The following CFAP46 variants were observed in gnomAD, a reference collection of about 807,000 sequenced individuals.
The protein encoded by CFAP46 is cilia- and flagella-associated protein 46.
In CFAP46, 245 loss-of-function variants were observed where a neutral mutation model predicts 325.7. The ratio of observed to expected loss-of-function variants is 0.75; its 90% confidence interval spans 0.68 to 0.84. The LOEUF is 0.84. Among genes scored for constraint, CFAP46 ranks in the 40% least tolerant of loss-of-function variants. The pLI is 0.00. For missense variants in CFAP46, 3,346 were observed against 3,543.0 expected (o/e 0.94, Z 1.41); for synonymous variants, 1,523 against 1,495.9 (o/e 1.02, Z -0.42).
chr10:132,931,091 C>T (rs1849892715), intron 8 of CFAP46, among the ~76,000 whole-genome samples: 1 of 75,560 alleles, frequency 1.3e-5, no homozygotes, highest in Non-Finnish European at 2.6e-5. Flanking sequence ...GAGCCTGGGC[C>T]TCCCCACACT....
intron 28 of CFAP46, among the ~76,000 whole-genome samples, chr10:132,880,142 G>A (rs1275852320): frequency 6.6e-6 from 1 of 152,026 alleles, no homozygotes; most frequent in African/African-American, 2.4e-5. Flanking sequence ...GTGTGGAGTG[G>A]CCACCCTAGC....
chr10:132,902,334 G>A (rs59007599), intron 22 of CFAP46, among the ~76,000 whole-genome samples: 1,371 of 113,792 alleles, frequency 0.012, 14 homozygotes, highest in African/African-American at 0.066. Flanking sequence ...TAGTTTCTCC[G>A]TTTTTCTCCC....
chr10:132,877,763 G>A lies in CFAP46; in HGVS notation c.4212+118C>T, dbSNP rs1848976768. The A allele has an allele frequency of 7.5e-6, 8 of 1,060,448 alleles. No individual in the cohort carries two copies. The highest frequency in any genetic ancestry group is 5.0e-5 in the Admixed American group (2 of 39,718). 65.7% of individuals were successfully genotyped at this position (1,060,448 alleles called of 1,614,324 possible). A position where few individuals can be genotyped will look rare whatever the true frequency, so the allele number is the denominator to read the frequency against. Reference sequence around the variant, plus strand: ...GGGAAACTGAGGCACAGGCCATCCCGGGCCCGGCCTCTGCACTGAGGCCGC... The same window carrying A: ...GGGAAACTGAGGCACAGGCCATCCCAGGCCCGGCCTCTGCACTGAGGCCGC... On this transcript the variant is annotated intron_variant, in intron 30 of 57. Transcript: ENST00000368586. This position sits in a 1 kb window ranked among gnomAD's most constrained non-coding sequence, Gnocchi z 5.7.
rs1055527374 is a variant in CFAP46, at chr10:132,889,733, G to A, written c.3304+2600C>T. On this transcript the variant is annotated intron_variant, in intron 25 of 57. Transcript: ENST00000368586. The surrounding 1 kb of genome is among the most constrained non-coding windows in gnomAD (Gnocchi z 6.0). ...TCCTGTGGACCGTCTCCTCCTCCCC[G>A]GAGGCCGTCAGCTCCATGGTGCCTC... Among the ~76,000 whole-genome samples the A allele has an allele frequency of 2.6e-5, 4 of 152,140 alleles. No homozygotes were observed. The highest frequency in any genetic ancestry group is 7.2e-5 in the African/African-American group (3 of 41,414).
intron 25 of CFAP46, among the ~76,000 whole-genome samples, chr10:132,888,851 T>C (rs1437977606): frequency 1.0e-5 from 1 of 95,920 alleles, no homozygotes; most frequent in Admixed American, 1.1e-4. Context: ...CCCTGCCGCC[T>C]GCACCTGCCA....
At chr10:132,918,881 C>A (rs1380060366) in intron 15 of CFAP46, among the ~76,000 whole-genome samples, 2 of 152,252 alleles carry the variant, frequency 1.3e-5, no homozygotes, top group Non-Finnish European at 2.9e-5. Context: ...CGTTCTGTCA[C>A]CTCCCTCGTC....
intron 9 of CFAP46, among the ~76,000 whole-genome samples, chr10:132,927,871 G>T (rs1011570165): frequency 5.3e-5 from 8 of 152,368 alleles, no homozygotes; most frequent in African/African-American, 1.9e-4. Flanking sequence ...CTAACAGTAG[G>T]CTGGCGGGGA....
chr10:132,858,929 G>C (rs1021924327), intron 38 of CFAP46, 142 bp downstream of exon 38: 5 of 828,502 alleles, frequency 6.0e-6, no homozygotes, highest in Non-Finnish European at 9.2e-6. Flanking sequence ...GGCGGCAGCC[G>C]AGAGCTTCCC....
At chr10:132,831,516 C>A (rs1477796632) in intron 50 of CFAP46, among the ~76,000 whole-genome samples, 1 of 152,154 alleles carries the variant, frequency 6.6e-6, no homozygotes, top group East Asian at 1.9e-4. Flanking sequence ...TGGTCACATT[C>A]CCAGGATGAA....
Position 132,846,167 on chromosome 10 carries a change from T to C in CFAP46, c.6328A>G (p.Ser2110Gly), listed in dbSNP as rs775687257. 1.6e-5 allele frequency: 26 copies of C among 1,611,954 alleles called. No homozygotes were observed. The South Asian group carries it at 2.4e-4, about 15-fold the overall frequency. The change falls in exon 44 of 58, where the codon AGC becomes GGC. Residue 2110 changes from serine (S) to glycine (G), a missense_variant. Physicochemically the swap from Ser to Gly is moderately conservative, Grantham distance 56. Coordinates refer to ENST00000368586, the MANE Select transcript of CFAP46 (RefSeq NM_001200049.3). ...VLLAATANTSSSQLAALLQLQ... is the reference protein window; with the variant it reads ...VLLAATANTSGSQLAALLQLQ... ...TGCAGCAGGGCCGCCAGCTGTGAGCTGCTGGTGTTGGCTGTGGCTGCAAGC... is the reference window on the plus strand; with the variant it reads ...TGCAGCAGGGCCGCCAGCTGTGAGCCGCTGGTGTTGGCTGTGGCTGCAAGC...
In CFAP46 at chr10:132,942,329, C is replaced by T. The variant is rs997026987; in HGVS notation, c.49+107G>A. 2.2e-4 allele frequency: 246 copies of T among 1,117,426 alleles called. 7 individuals are homozygous for T. The highest frequency in any genetic ancestry group is 2.8e-4 in the Non-Finnish European group (227 of 820,074). The allele number at this position is 1,117,426 out of a possible 1,614,324, so 69.2% of individuals were successfully genotyped here. A position where few individuals can be genotyped will look rare whatever the true frequency, so the allele number is the denominator to read the frequency against. On this transcript the variant is annotated intron_variant, in intron 1 of 57. Transcript: ENST00000368586. Reference sequence around the variant, plus strand: ...TCCGGCTGTGGCCCTCGAGGGATCACCCATTGGGCGGGCTGGGATGAGAGG... The same window carrying T: ...TCCGGCTGTGGCCCTCGAGGGATCATCCATTGGGCGGGCTGGGATGAGAGG...
At chr10:132,820,046 A>G (rs1029966291) in intron 50 of CFAP46, among the ~76,000 whole-genome samples, 1 of 152,058 alleles carries the variant, frequency 6.6e-6, no homozygotes, top group African/African-American at 2.4e-5. Context: ...ATAGTAAAAA[A>G]CCAAACAACC....
chr10:132,873,141 AACT>A (rs1209173561), intron 31 of CFAP46, among the ~76,000 whole-genome samples: 2 of 152,236 alleles, frequency 1.3e-5, no homozygotes, highest in African/African-American at 4.8e-5. Context: ...TTCCACTAAA[AACT>A]ACTGACTCAT....
chr10:132,861,005 T>C (rs1448163535), intron 35 of CFAP46, 23 bp from the exon 36 acceptor site: 1 of 1,549,456 alleles, frequency 6.5e-7, no homozygotes, highest in East Asian at 2.4e-5. Flanking sequence ...AACTCAGACA[T>C]GCTTGGGTTC....
chr10:132,840,251 G>C (rs1848327824), intron 44 of CFAP46, among the ~76,000 whole-genome samples: 1 of 152,154 alleles, frequency 6.6e-6, no homozygotes, highest in Admixed American at 6.5e-5. Context: ...ATTGGAGTAA[G>C]GCTGTCAAGA....
rs1195778360 is a variant in CFAP46, at chr10:132,836,839, A to G, written c.6514T>C (p.Phe2172Leu). The change falls in exon 45 of 58, where the codon TTT (phenylalanine) becomes CTT (leucine). Residue 2172 changes from phenylalanine to leucine, a missense_variant. Phe to Leu is a conservative substitution (Grantham distance 22). Transcript: ENST00000368586. ...NEMPPTFWIL[F>L]LHLSGDRSRL... ...TACCTGTCCCCTGAGAGGTGCAGAA[A>G]GAGGATCCAAAAGGTCGGAGGCATC... 6.2e-7 allele frequency: 1 copy of G among 1,613,804 alleles called. No homozygotes were observed. Among genetic ancestry groups the G allele is most frequent in the Admixed American group, 1.7e-5 (1 of 60,026 alleles).
chr10:132,844,648 C>T (rs552268021), intron 44 of CFAP46, among the ~76,000 whole-genome samples: 10 of 152,256 alleles, frequency 6.6e-5, no homozygotes, highest in South Asian at 2.1e-4. Flanking sequence ...AGCCCCAGGC[C>T]GCCTCCTGGC....
At chr10:132,839,899 G>A (rs898338014) in intron 44 of CFAP46, among the ~76,000 whole-genome samples, 1 of 152,192 alleles carries the variant, frequency 6.6e-6, no homozygotes, top group African/African-American at 2.4e-5. Flanking sequence ...GCAGTATTTT[G>A]TTAGGATTTT....
intron 24 of CFAP46, among the ~76,000 whole-genome samples, chr10:132,897,799 C>T (rs900380866): frequency 6.6e-6 from 1 of 152,240 alleles, no homozygotes; most frequent in African/African-American, 2.4e-5. Context: ...CTAGACCACA[C>T]TGGATGAGGA....
Sources: allele counts gnomAD v4.1 joint callset (sites outside exome capture counted in the v4.1 genomes callset), GRCh38; gene constraint gnomAD v4.1.1; non-coding constraint Gnocchi (gnomAD v3.1); transcripts MANE v1.5; gene names NCBI Gene and HGNC (gene_info 2026-07-23, HGNC 2026-07-21).